The following RPS6KC1 variants were observed in gnomAD, a reference collection of about 807,000 sequenced individuals.
The protein encoded by RPS6KC1 is ribosomal protein S6 kinase C1, also known as inactive ribosomal protein S6 kinase delta-1.
A neutral mutation model predicts 103.8 loss-of-function variants in RPS6KC1; 54 were observed. The ratio of observed to expected loss-of-function variants is 0.52; its 90% CI spans 0.42 to 0.65. RPS6KC1 has a LOEUF of 0.65. RPS6KC1 is among the 30% of genes least tolerant of loss of function. The probability of loss-of-function intolerance (pLI) is 0.00; values close to 1 mark genes in which losing one functional copy is unlikely to be tolerated. For missense variants in RPS6KC1, 1,151 were observed against 1,253.8 expected (o/e 0.92, Z 1.24); for synonymous variants, 439 against 438.7 (o/e 1.00, Z -0.01).
chr1:213,186,815 T>C (rs1050107330), intron 8 of RPS6KC1, among the ~76,000 whole-genome samples: 1 of 152,206 alleles, frequency 6.6e-6, no homozygotes, highest in African/African-American at 2.4e-5. Flanking sequence ...TCTTTGAGCT[T>C]TCCAGTTCTT....
chr1:213,776,128 G>A, the RPS6KC1 span, among the ~76,000 whole-genome samples: 1 of 152,178 alleles, frequency 6.6e-6, no homozygotes, highest in African/African-American at 2.4e-5. Context: ...AGTCATCCAT[G>A]AGGGTTTGAA....
At chr1:213,324,593 CTTTTTTTTT>C in the RPS6KC1 span, among the ~76,000 whole-genome samples, 209 of 81,820 alleles carry the variant, frequency 2.6e-3, no homozygotes, top group African/African-American at 8.0e-3. Context: ...GCTCGATATG[CTTTTTTTTT>C]TTTTTTTTTT....
chr1:213,068,413 G>T (rs1232378149), intron 1 of RPS6KC1, among the ~76,000 whole-genome samples: 2 of 149,522 alleles, frequency 1.3e-5, no homozygotes, highest in Non-Finnish European at 3.0e-5. Context: ...GAACACAGGA[G>T]GTGGAGGTTG....
At chr1:213,195,577 G>A (rs1043376542) in intron 8 of RPS6KC1, among the ~76,000 whole-genome samples, 7 of 152,112 alleles carry the variant, frequency 4.6e-5, no homozygotes, top group African/African-American at 1.7e-4. Context: ...ATTGTATACT[G>A]TACCCATTGT....
chr1:213,261,382 T>C (rs562977591), intron 12 of RPS6KC1, among the ~76,000 whole-genome samples, 176 bp from the exon 13 acceptor site: 6 of 152,114 alleles, frequency 3.9e-5, no homozygotes, highest in Admixed American at 1.3e-4. Context: ...AAAAAAAATA[T>C]ATGCAACCGC....
intron 8 of RPS6KC1, among the ~76,000 whole-genome samples, chr1:213,187,354 C>G (rs890601347): frequency 6.7e-6 from 1 of 149,478 alleles, no homozygotes; most frequent in African/African-American, 2.5e-5. Context: ...AGGTGATTCT[C>G]GTGCCTCAGC....
At chr1:213,657,582 A>G in the RPS6KC1 span, among the ~76,000 whole-genome samples, 1 of 152,252 alleles carries the variant, frequency 6.6e-6, no homozygotes, top group Non-Finnish European at 1.5e-5. Flanking sequence ...ACATCACCAC[A>G]AGAGATTCAG....
chr1:213,430,626 G>A, the RPS6KC1 span, among the ~76,000 whole-genome samples: 1 of 152,168 alleles, frequency 6.6e-6, no homozygotes, highest in Non-Finnish European at 1.5e-5. Context: ...TCTGGACGAA[G>A]TCCAGTCTGT....
the RPS6KC1 span, among the ~76,000 whole-genome samples, chr1:213,475,554 C>T: frequency 9.9e-5 from 15 of 152,092 alleles, no homozygotes; most frequent in Admixed American, 7.2e-4. Flanking sequence ...AAGAACATGC[C>T]GGTGGAGCTG....
At chr1:213,382,003 G>C in the RPS6KC1 span, among the ~76,000 whole-genome samples, 2 of 152,294 alleles carry the variant, frequency 1.3e-5, no homozygotes, top group Middle Eastern at 6.8e-3. Context: ...CGAGGGGATG[G>C]CACAGAGGCG....
the RPS6KC1 span, among the ~76,000 whole-genome samples, chr1:213,642,085 G>A: frequency 4.6e-5 from 7 of 152,048 alleles, no homozygotes. Context: ...CTGACTCCTT[G>A]GGTGAAGACT....
At chr1:213,099,408 T>C (rs2081807046) in intron 3 of RPS6KC1, among the ~76,000 whole-genome samples, 2 of 152,218 alleles carry the variant, frequency 1.3e-5, no homozygotes, top group Non-Finnish European at 2.9e-5. Context: ...ATAATCTGTC[T>C]TGTTTTTATG....
the RPS6KC1 span, among the ~76,000 whole-genome samples, chr1:213,834,127 C>T: frequency 8.2e-3 from 1,247 of 152,212 alleles, 16 homozygotes; most frequent in African/African-American, 0.029. Context: ...CAGCTTTGAC[C>T]TCCTCAGGCT....
At chr1:213,531,437 A>C in the RPS6KC1 span, among the ~76,000 whole-genome samples, 97,512 of 152,034 alleles carry the variant, frequency 0.64, 33,620 homozygotes, top group East Asian at 0.98. Context: ...CAATTTCATT[A>C]TTGTAACAAT....
At chr1:213,435,561 C>A in the RPS6KC1 span, among the ~76,000 whole-genome samples, 1 of 152,186 alleles carries the variant, frequency 6.6e-6, no homozygotes, top group Admixed American at 6.5e-5. Flanking sequence ...TAAGCAGAAA[C>A]AGAGCAGTGT....
At chr1:213,713,378 A>G in the RPS6KC1 span, among the ~76,000 whole-genome samples, 1 of 152,322 alleles carries the variant, frequency 6.6e-6, no homozygotes, top group Admixed American at 6.5e-5. Flanking sequence ...CGCTTCACAG[A>G]GGCAATGGCT....
At chr1:213,088,663 T>C (rs1229662802) in intron 3 of RPS6KC1, among the ~76,000 whole-genome samples, 1 of 152,142 alleles carries the variant, frequency 6.6e-6, no homozygotes, top group Non-Finnish European at 1.5e-5. Flanking sequence ...GCGCCTGGCC[T>C]CATGGCTAAT....
intron 14 of RPS6KC1, among the ~76,000 whole-genome samples, chr1:213,271,505 C>T (rs1460939402): frequency 6.6e-6 from 1 of 152,134 alleles, no homozygotes; most frequent in East Asian, 1.9e-4. Flanking sequence ...GTGGCTCACG[C>T]CTGTAATCCC....
the RPS6KC1 span, among the ~76,000 whole-genome samples, chr1:213,730,104 T>C: frequency 3.9e-5 from 6 of 152,210 alleles, no homozygotes; most frequent in African/African-American, 1.4e-4. Flanking sequence ...AACATGATCT[T>C]ATTCTTTTTA....
Sources: gnomAD v4.1 joint callset for allele counts (sites outside exome capture counted in the v4.1 genomes callset) on GRCh38, gnomAD v4.1.1 for gene constraint, MANE v1.5 for transcripts, NCBI Gene and HGNC (gene_info 2026-07-23, HGNC 2026-07-21) for gene names.